TYW1B: variants seen among roughly 807,000 people sequenced by gnomAD.
TYW1B encodes the protein tRNA-yW synthesizing protein 1 homolog B, also known as S-adenosyl-L-methionine-dependent tRNA 4-demethylwyosine synthase TYW1B.
A neutral mutation model predicts 86.9 loss-of-function variants in TYW1B; 73 were observed. The ratio of observed to expected loss-of-function variants is 0.84; its 90% CI spans 0.70 to 1.02. The LOEUF (loss-of-function observed/expected upper bound fraction) is 1.02, where lower values mean the gene tolerates loss of function less well. TYW1B is among the 50% of genes least tolerant of loss of function. The pLI, the probability that TYW1B is intolerant of heterozygous loss-of-function variation, is 0.00. For missense variants in TYW1B, 637 were observed against 827.4 expected (o/e 0.77, Z 2.82); for synonymous variants, 248 against 292.8 (o/e 0.85, Z 1.56).
At chr7:72,812,362 G>C (rs1188614051) in intron 3 of TYW1B, among the ~76,000 whole-genome samples, 1 of 152,094 alleles carries the variant, frequency 6.6e-6, no homozygotes, top group African/African-American at 2.4e-5. Context: ...GTGGCCTCCT[G>C]TCAGCGCTCC....
At chr7:72,799,151 C>CTTTTTT (rs1309407026) in intron 6 of TYW1B, among the ~76,000 whole-genome samples, 1 of 58,558 alleles carries the variant, frequency 1.7e-5, no homozygotes, top group African/African-American at 6.9e-5. Flanking sequence ...CCGGGTCTGC[C>CTTTTTT]TTTTTTTTTT....
At chr7:72,614,618 G>A (rs1219019969) in intron 13 of TYW1B, among the ~76,000 whole-genome samples, 1 of 149,024 alleles carries the variant, frequency 6.7e-6, no homozygotes, top group Non-Finnish European at 1.5e-5. Flanking sequence ...GTGCAACAGA[G>A]CAAGACTCCA....
chr7:72,574,905 C>G lies in TYW1B; in HGVS notation c.*593G>C. On this transcript the variant is annotated 3_prime_UTR_variant, in exon 14 of 14. Transcript: ENST00000620995. Reference sequence around the variant, plus strand: ...GGATGAGATCTAGTAGTTTTAGATCCGATGCAATTTTGGGAAGGGTTAGTA... The same window carrying G: ...GGATGAGATCTAGTAGTTTTAGATCGGATGCAATTTTGGGAAGGGTTAGTA... 1.0e-6 allele frequency: 1 copy of G among 986,022 alleles called. No individual in the cohort carries two copies. Among genetic ancestry groups the G allele is most frequent in the Non-Finnish European group, 1.2e-6 (1 of 830,482 alleles). The allele number at this position is 986,022 out of a possible 1,614,324, so 61.1% of individuals were successfully genotyped here.
chr7:72,717,538 C>A (rs1554456403), intron 9 of TYW1B, among the ~76,000 whole-genome samples: 1 of 152,028 alleles, frequency 6.6e-6, no homozygotes, highest in East Asian at 1.9e-4. Context: ...CCCGGGTTGG[C>A]CACTCCTGGA....
chr7:72,705,711 A>T (rs1223675732), intron 10 of TYW1B, among the ~76,000 whole-genome samples: 1 of 152,338 alleles, frequency 6.6e-6, no homozygotes, highest in Admixed American at 6.5e-5. Flanking sequence ...TGGCACACTC[A>T]TGAAGTGGGA....
intron 10 of TYW1B, among the ~76,000 whole-genome samples, chr7:72,705,847 C>T (rs1343014638): frequency 2.0e-5 from 3 of 152,136 alleles, no homozygotes; most frequent in African/African-American, 4.8e-5. Context: ...CCTTACAACA[C>T]GATGCCATAC....
chr7:72,778,526 T>C lies in TYW1B; in HGVS notation c.847-993A>G, dbSNP rs181565171. Among the ~76,000 whole-genome samples the C allele has an allele frequency of 3.8e-3, 576 of 152,302 alleles. 1 individual carries two copies. The highest frequency in any genetic ancestry group is 0.014 in the African/African-American group (564 of 41,576). On this transcript the variant is annotated intron_variant, in intron 6 of 13. Coordinates refer to ENST00000620995, the MANE Select transcript of TYW1B (RefSeq NM_001145440.3). ...GTGCAGTGGCACGATCTTGGCTCAC[T>C]GCAAACACCACCTCCCAGGTTCAAG...
At chr7:72,597,208 A>C (rs1365056904) in intron 13 of TYW1B, among the ~76,000 whole-genome samples, 1 of 151,920 alleles carries the variant, frequency 6.6e-6, no homozygotes, top group Non-Finnish European at 1.5e-5. Context: ...GATACTACTA[A>C]ATAATTCATA....
chr7:72,673,920 CTT>C (rs1563054819), intron 11 of TYW1B, among the ~76,000 whole-genome samples: 1 of 152,194 alleles, frequency 6.6e-6, no homozygotes, highest in African/African-American at 2.4e-5. Context: ...AAACAAAACT[CTT>C]TTTAGAACCC....
intron 11 of TYW1B, among the ~76,000 whole-genome samples, chr7:72,647,639 C>T (rs1812960963): frequency 6.6e-6 from 1 of 152,014 alleles, no homozygotes; most frequent in Non-Finnish European, 1.5e-5. Flanking sequence ...TTTTGTACCT[C>T]GTTCCCATTG....
intron 6 of TYW1B, among the ~76,000 whole-genome samples, chr7:72,787,947 C>T (rs1325354942): frequency 2.7e-5 from 4 of 148,682 alleles, no homozygotes; most frequent in Non-Finnish European, 6.0e-5. Context: ...CTCGCTGGAC[C>T]AGACCTTGTA....
At chr7:72,749,948 T>C (rs1233594255) in intron 7 of TYW1B, among the ~76,000 whole-genome samples, 1 of 145,986 alleles carries the variant, frequency 6.8e-6, no homozygotes, top group Non-Finnish European at 1.5e-5. Flanking sequence ...TCTCACTTTG[T>C]CACCCATCAT....
At chr7:72,689,909 T>C (rs1346137851) in intron 11 of TYW1B, among the ~76,000 whole-genome samples, 11 of 152,210 alleles carry the variant, frequency 7.2e-5, no homozygotes, top group Non-Finnish European at 1.6e-4. Flanking sequence ...AATTTGCAAA[T>C]TGTGGGCCAC....
chr7:72,818,636 T>TA (rs201834607), intron 2 of TYW1B, among the ~76,000 whole-genome samples: 9 of 147,692 alleles, frequency 6.1e-5, no homozygotes, highest in Middle Eastern at 3.5e-3. Flanking sequence ...GGCAATTTAT[T>TA]AAAAAAAAGA....
chr7:72,824,690 G>A (rs1303266088), intron 2 of TYW1B, among the ~76,000 whole-genome samples: 5 of 151,604 alleles, frequency 3.3e-5, no homozygotes, highest in South Asian at 4.2e-4. Context: ...GTGGTGAGCC[G>A]AGATCACACC....
At chr7:72,745,475 T>C (rs1269767679) in intron 7 of TYW1B, among the ~76,000 whole-genome samples, 5 of 152,206 alleles carry the variant, frequency 3.3e-5, no homozygotes, top group South Asian at 4.1e-4. Flanking sequence ...ATGTAGTAAG[T>C]AGGTAATCTA....
intron 12 of TYW1B, among the ~76,000 whole-genome samples, chr7:72,625,909 A>C (rs1280092661): frequency 7.1e-5 from 9 of 126,964 alleles, no homozygotes; most frequent in African/African-American, 1.9e-4. Flanking sequence ...GGGGGGGGGA[A>C]GAAAGGAAGG....
intron 12 of TYW1B, among the ~76,000 whole-genome samples, chr7:72,622,605 G>A (rs551842094): frequency 1.3e-5 from 2 of 151,932 alleles, no homozygotes; most frequent in South Asian, 2.1e-4. Context: ...GATCTGACAC[G>A]CACACACGGA....
chr7:72,611,473 G>A (rs1447049926), intron 13 of TYW1B, among the ~76,000 whole-genome samples: 2 of 152,076 alleles, frequency 1.3e-5, no homozygotes, highest in African/African-American at 2.4e-5. Context: ...CATGAGATCC[G>A]ATGGTTTTAT....
Sources: gnomAD v4.1 joint callset for allele counts (sites outside exome capture counted in the v4.1 genomes callset) on GRCh38, gnomAD v4.1.1 for gene constraint, MANE v1.5 for transcripts, NCBI Gene and HGNC (gene_info 2026-07-23, HGNC 2026-07-21) for gene names.